Variants in CDKL4 observed in about 807,000 individuals in gnomAD.
CDKL4 encodes cyclin dependent kinase like 4.
In CDKL4, 44 loss-of-function variants were observed where a neutral mutation model predicts 42.0. The ratio of observed to expected loss-of-function variants is 1.05; its 90% CI spans 0.82 to 1.35. The LOEUF is 1.35. Ranked by LOEUF, CDKL4 falls within the 40% of genes most tolerant of loss-of-function variation. The pLI, the probability that CDKL4 is intolerant of heterozygous loss-of-function variation, is 0.00. For synonymous variants in CDKL4, 120 were observed against 121.6 expected (o/e 0.99, Z 0.09); for missense variants, 393 against 369.9 (o/e 1.06, Z -0.51).
intron 2 of CDKL4, 93 bp downstream of exon 2, chr2:39,229,272 T>A (rs1280868727): frequency 9.8e-6 from 9 of 922,486 alleles, no homozygotes; most frequent in Non-Finnish European, 1.3e-5. Context: ...TTAAGTCCAA[T>A]GGGGGGAAAA....
At chr2:39,194,676 A>G (rs148663316) in intron 5 of CDKL4, among the ~76,000 whole-genome samples, 125 of 152,288 alleles carry the variant, frequency 8.2e-4, no homozygotes, top group African/African-American at 2.9e-3. Flanking sequence ...ACCAATTTAT[A>G]TAAGCTCTTA....
At chr2:39,204,767 T>C in intron 4 of CDKL4, 150 bp from the exon 5 acceptor site, 1 of 446,284 alleles carries the variant, frequency 2.2e-6, no homozygotes. Flanking sequence ...AAATTGGCAA[T>C]TTTTCACTTG....
chr2:39,231,975 T>A (rs986178110), intron 1 of CDKL4, among the ~76,000 whole-genome samples: 1 of 152,246 alleles, frequency 6.6e-6, no homozygotes, highest in African/African-American at 2.4e-5. Context: ...TAATTTAACC[T>A]ACTTGATAAG....
rs189097871 is a variant in CDKL4, at chr2:39,216,411, A to G, written c.291-2939T>C. 2.0e-4 allele frequency among the ~76,000 whole-genome samples: 31 copies of G among 152,316 alleles called. No individual in the cohort carries two copies. The East Asian group carries it at 6.0e-3, about 29-fold the overall frequency. ...GAAGCCAGGAAGGTTGGCAGAAATC[A>G]GTCCATGGAGGGCCTCGGAGATCTA... On this transcript the variant is annotated intron_variant, in intron 3 of 9. Transcript: ENST00000451199.
At chr2:39,206,460 G>A (rs902070717) in intron 4 of CDKL4, among the ~76,000 whole-genome samples, 1 of 152,194 alleles carries the variant, frequency 6.6e-6, no homozygotes, top group African/African-American at 2.4e-5. Flanking sequence ...GATGCTCCTC[G>A]CTGGACAGGA....
At chr2:39,246,914 A>T (rs1392397764), upstream of CDKL4, among the ~76,000 whole-genome samples, 1 of 151,986 alleles carries the variant, frequency 6.6e-6, no homozygotes. Context: ...TACTTGGCTA[A>T]TTTCATTTTT....
At chr2:39,179,030 T>C (rs981995784) in intron 9 of CDKL4, 157 bp downstream of exon 9, 9 of 1,478,188 alleles carry the variant, frequency 6.1e-6, no homozygotes, top group African/African-American at 2.8e-5. Flanking sequence ...TATGGTTTTA[T>C]TACATCAATT....
At chr2:39,175,232 G>C (rs1055941165), downstream of CDKL4, among the ~76,000 whole-genome samples, 3 of 152,116 alleles carry the variant, frequency 2.0e-5, no homozygotes, top group East Asian at 5.8e-4. Context: ...CAGGAGGATC[G>C]GCTTGGGTCA....
chr2:39,225,401 T>A (rs575938247), intron 3 of CDKL4, among the ~76,000 whole-genome samples: 1 of 146,346 alleles, frequency 6.8e-6, no homozygotes, highest in Admixed American at 6.7e-5. Flanking sequence ...TAAGACTCCA[T>A]CTCAAAAAAA....
chr2:39,186,951 G>A (rs1315375170), intron 7 of CDKL4, among the ~76,000 whole-genome samples: 2 of 152,110 alleles, frequency 1.3e-5, no homozygotes, highest in African/African-American at 4.8e-5. Context: ...CTGGCTCATT[G>A]TAATGTAGTT....
intron 2 of CDKL4, among the ~76,000 whole-genome samples, chr2:39,226,434 A>AATTATATATATTGTATATAT (rs1678721212): frequency 1.2e-4 from 12 of 101,572 alleles, no homozygotes; most frequent in Non-Finnish European, 2.4e-4. Flanking sequence ...TATTTATATA[A>AATTATATATATTGTATATAT]ATTATATATA....
At chr2:39,174,399 C>CAAA (rs34376013), downstream of CDKL4, among the ~76,000 whole-genome samples, 3 of 143,694 alleles carry the variant, frequency 2.1e-5, no homozygotes, top group Non-Finnish European at 3.0e-5. Context: ...GACCCTGTCT[C>CAAA]AAAAAAAAAA....
chr2:39,215,748 T>G (rs1274702943), intron 3 of CDKL4, among the ~76,000 whole-genome samples: 2 of 152,224 alleles, frequency 1.3e-5, no homozygotes, highest in African/African-American at 4.8e-5. Context: ...CAGCAAGTGA[T>G]GTACACGGTA....
rs982087298 is a variant in CDKL4, at chr2:39,240,100, T to G, written c.-57+3771A>C. On this transcript the variant is annotated intron_variant, in intron 1 of 9. Coordinates refer to ENST00000451199, the Ensembl canonical transcript of CDKL4. Reference sequence around the variant, plus strand: ...GTGAGACTCTGTCTCAAAAAAAAGTTAAACACAAATTTAACTTAAAAATTA... The same window carrying G: ...GTGAGACTCTGTCTCAAAAAAAAGTGAAACACAAATTTAACTTAAAAATTA... Among the ~76,000 whole-genome samples, 68 of 145,276 alleles carry G rather than the reference T, an allele frequency of 4.7e-4. 1 individual carries two copies. Among genetic ancestry groups the G allele is most frequent in the African/African-American group, 1.7e-3 (65 of 39,064 alleles).
chr2:39,240,931 C>A (rs1291543470), intron 1 of CDKL4, among the ~76,000 whole-genome samples: 1 of 152,150 alleles, frequency 6.6e-6, no homozygotes, highest in Non-Finnish European at 1.5e-5. Flanking sequence ...GGCCTGTACT[C>A]TTAATAAAGA....
At chr2:39,245,918 G>A (rs1157121679), upstream of CDKL4, among the ~76,000 whole-genome samples, 1 of 152,170 alleles carries the variant, frequency 6.6e-6, no homozygotes, top group Non-Finnish European at 1.5e-5. Flanking sequence ...TCAGACACAG[G>A]TTTGACACCC....
intron 5 of CDKL4, among the ~76,000 whole-genome samples, chr2:39,194,638 A>C (rs914350757): frequency 6.6e-6 from 1 of 152,186 alleles, no homozygotes; most frequent in Non-Finnish European, 1.5e-5. Flanking sequence ...TAATTTTTCT[A>C]TTCAGAGCTT....
At chr2:39,207,175 C>T (rs762054757) in intron 4 of CDKL4, among the ~76,000 whole-genome samples, 1 of 152,068 alleles carries the variant, frequency 6.6e-6, no homozygotes, top group Non-Finnish European at 1.5e-5. Flanking sequence ...CGCTTGTGCC[C>T]AGGAGTTTGA....
downstream of CDKL4, among the ~76,000 whole-genome samples, chr2:39,173,002 G>A (rs1675043183): frequency 6.6e-6 from 1 of 152,176 alleles, no homozygotes; most frequent in Non-Finnish European, 1.5e-5. Flanking sequence ...AAAAAAAAGA[G>A]AAATGCTAGT....
Sources: gnomAD v4.1 joint callset for allele counts (sites outside exome capture counted in the v4.1 genomes callset) on GRCh38, gnomAD v4.1.1 for gene constraint, MANE v1.5 for transcripts, NCBI Gene and HGNC (gene_info 2026-07-23, HGNC 2026-07-21) for gene names.